The following TRIM25 variants were observed in gnomAD, a reference collection of about 807,000 sequenced individuals.
TRIM25 encodes the protein tripartite motif containing 25, also known as E3 ubiquitin/ISG15 ligase TRIM25.
TRIM25 carries 45 observed loss-of-function variants against 65.2 expected under a neutral mutation model. The ratio of observed to expected loss-of-function variants is 0.69; its 90% CI spans 0.54 to 0.89. The LOEUF is 0.89. Ranked by LOEUF, TRIM25 falls within the 40% of genes least tolerant of loss-of-function variation. TRIM25 has a pLI of 0.00. For missense variants in TRIM25, 714 were observed against 803.7 expected, an observed-to-expected ratio of 0.89 and a Z score of 1.35; for synonymous variants, 321 against 340.4, an observed-to-expected ratio of 0.94 and a Z score of 0.63.
In TRIM25 at chr17:56,891,967, G is replaced by A. The variant is rs137888736; in HGVS notation, c.1626C>T (p.Leu542=). Residue 542 remains leucine (L), a synonymous_variant, in exon 9 of 9, where the codon CTC becomes CTT. Transcript: ENST00000316881. ...SMNRQGPESR[L]GRNSASWCVE... ...CGCACCAGGAGGCGCTGTTGCGGCC[G>A]AGCCTGCTTTCTGGGCCCTGCCGGT... is the stretch of plus-strand genomic sequence containing the variant. 308 of 1,614,190 alleles carry A rather than the reference G, an allele frequency of 1.9e-4. No homozygotes were observed. The African/African-American group carries it at 3.4e-3, about 18-fold the overall frequency.
At chr17:56,903,451 G>A (rs1346842831) in intron 3 of TRIM25, among the ~76,000 whole-genome samples, 1 of 152,124 alleles carries the variant, frequency 6.6e-6, no homozygotes, top group Non-Finnish European at 1.5e-5. Flanking sequence ...CTCCTTTATA[G>A]CAATGCAAAA....
At chr17:56,910,339 A>G (rs1427835820) in intron 1 of TRIM25, among the ~76,000 whole-genome samples, 1 of 152,156 alleles carries the variant, frequency 6.6e-6, no homozygotes, top group Non-Finnish European at 1.5e-5. Flanking sequence ...AGGCCACACT[A>G]ACTCAATCCG....
At chr17:56,904,119 C>T (rs1909469592) in intron 3 of TRIM25, 136 bp downstream of exon 3, 2 of 716,882 alleles carry the variant, frequency 2.8e-6, no homozygotes, top group Admixed American at 5.3e-5. Context: ...GCTCAGAAAA[C>T]TAATACAGCG....
At chr17:56,899,356 T>C (rs1396034935) in intron 4 of TRIM25, among the ~76,000 whole-genome samples, 176 bp from the exon 5 acceptor site, 1 of 152,160 alleles carries the variant, frequency 6.6e-6, no homozygotes, top group East Asian at 1.9e-4. Context: ...ACCAGTTTGG[T>C]GTATTCCCTT....
Position 56,891,575 on chromosome 17 carries a change from T to TC in TRIM25, c.*124dup. On this transcript the variant is annotated 3_prime_UTR_variant, in exon 9 of 9. Transcript: ENST00000316881. Reference sequence around the variant, plus strand: ...TCCCACCTCCCACCCTCCCGCCAGCTCCCCTCCCATGCTCCCAATCCTTGG... The same window carrying TC: ...TCCCACCTCCCACCCTCCCGCCAGCTCCCCCTCCCATGCTCCCAATCCTTGG... 1 of 333,826 alleles carries TC rather than the reference T, an allele frequency of 3.0e-6. No individual in the cohort carries two copies. The highest frequency in any genetic ancestry group is 5.2e-6 in the Non-Finnish European group (1 of 194,170). 20.7% of individuals were successfully genotyped at this position (333,826 alleles called of 1,614,324 possible). A position where few individuals can be genotyped will look rare whatever the true frequency, so the allele number is the denominator to read the frequency against.
chr17:56,894,260 G>A (rs1035839597), intron 8 of TRIM25, among the ~76,000 whole-genome samples: 3 of 152,156 alleles, frequency 2.0e-5, no homozygotes, highest in African/African-American at 7.2e-5. Context: ...TTGTTTGTTT[G>A]TTTTTTAAGA....
chr17:56,901,511 T>C lies in TRIM25; in HGVS notation c.995A>G (p.Lys332Arg), dbSNP rs767391521. 1.1e-5 allele frequency: 18 copies of C among 1,614,180 alleles called. No individual in the cohort carries two copies. The highest frequency in any genetic ancestry group is 6.6e-5 in the South Asian group (6 of 91,084). Residue 332 changes from lysine (K) to arginine (R), a missense_variant, in exon 4 of 9, where the codon AAG becomes AGG. By Grantham distance (26) the Lys-to-Arg change is conservative. This residue lies in a region of TRIM25 where 413 missense variants were observed against 498.2 expected (regional missense o/e 0.83). Transcript: ENST00000316881. ...GCTCTGGTGGATGCCTTTTATCAGC[T>C]TGTGGTTCAGTTCCACCTCGGGGAT... is the stretch of plus-strand genomic sequence containing the variant. Reference protein sequence around the residue: ...VYIPEVELNHKLIKGIHQSTI... With the variant: ...VYIPEVELNHRLIKGIHQSTI...
In TRIM25 at chr17:56,888,003, G is replaced by A. The variant is rs1909090340; in HGVS notation, c.*3697C>T. 1.3e-5 allele frequency: 2 copies of A among 152,310 alleles called. No individual in the cohort carries two copies. The highest frequency in any genetic ancestry group is 1.3e-4 in the Admixed American group (2 of 15,284). 9.4% of individuals were successfully genotyped at this position (152,310 alleles called of 1,614,324 possible). A position where few individuals can be genotyped will look rare whatever the true frequency, so the allele number is the denominator to read the frequency against. On this transcript the variant is annotated 3_prime_UTR_variant, in exon 9 of 9. Transcript: ENST00000316881. ...GGTCTGGAAGGGTCTTGAGCACAGT[G>A]CTCCCATGCCCCCTCTTCGTGGAAT...
Position 56,891,900 on chromosome 17 carries a change from C to T in TRIM25, c.1693G>A (p.Val565Met), listed in dbSNP as rs146675083. The T allele has an allele frequency of 1.8e-5, 29 of 1,614,114 alleles. No homozygotes were observed. Among genetic ancestry groups the T allele is most frequent in the Admixed American group, 3.3e-5 (2 of 60,014 alleles). Residue 565 changes from valine (V) to methionine (M), a missense_variant, in exon 9 of 9, where the codon GTG becomes ATG. Val to Met is a conservative substitution (Grantham distance 21). Coordinates refer to ENST00000316881, the MANE Select transcript of TRIM25 (RefSeq NM_005082.5). ...TTGGTGGAGGGCAGGGTTTTCTCCA[C>T]GTTATTGTGCCAGGCAGAGATCTTG... is the stretch of plus-strand genomic sequence containing the variant. ...NTKISAWHNN[V>M]EKTLPSTKAT... is the part of the protein sequence containing the mutation.
chr17:56,906,968 A>G (rs759848285), intron 2 of TRIM25, among the ~76,000 whole-genome samples: 1 of 152,206 alleles, frequency 6.6e-6, no homozygotes, highest in Non-Finnish European at 1.5e-5. Flanking sequence ...CGATGTGACA[A>G]AACTCCTTCC....
rs1016425669 is a variant in TRIM25, at chr17:56,891,355, C to T, written c.*345G>A. The T allele has an allele frequency of 2.9e-6, 1 of 340,708 alleles. No individual in the cohort carries two copies. Among genetic ancestry groups the T allele is most frequent in the African/African-American group, 2.1e-5 (1 of 47,360 alleles). 21.1% of individuals were successfully genotyped at this position (340,708 alleles called of 1,614,324 possible). A position where few individuals can be genotyped will look rare whatever the true frequency, so the allele number is the denominator to read the frequency against. ...AGATCCAAGTGGCCCAAGACAGAAC[C>T]TACAGTAGCTATGGATTTTCTCTAA... On this transcript the variant is annotated 3_prime_UTR_variant, in exon 9 of 9. Transcript: ENST00000316881.
chr17:56,896,387 CTCATGCCTGGAA>C (rs1343294599), intron 5 of TRIM25, among the ~76,000 whole-genome samples: 2 of 150,856 alleles, frequency 1.3e-5, no homozygotes, highest in Non-Finnish European at 2.9e-5. Flanking sequence ...CGCATGGTGG[CTCATGCCTGGAA>C]TCCCAGCAAT....
At position 56,908,838 on chromosome 17, in the gene TRIM25, T is replaced by C. The variant is rs1043971990; in HGVS notation, c.598-275A>G. On this transcript the variant is annotated intron_variant, in intron 1 of 8. Coordinates refer to ENST00000316881, the MANE Select transcript of TRIM25 (RefSeq NM_005082.5). ...AACTGTGTCCTTCACCTCAGTTTTCTTGGACACAAAATAGATACAACTGTC... is the reference window on the plus strand; with the variant it reads ...AACTGTGTCCTTCACCTCAGTTTTCCTGGACACAAAATAGATACAACTGTC... 6.6e-5 allele frequency: 27 copies of C among 409,306 alleles called. No homozygotes were observed. The highest frequency in any genetic ancestry group is 1.1e-4 in the Non-Finnish European group (24 of 221,612). The allele number at this position is 409,306 out of a possible 1,614,324, so 25.4% of individuals were successfully genotyped here. A position where few individuals can be genotyped will look rare whatever the true frequency, so the allele number is the denominator to read the frequency against.
At chr17:56,906,466 GA>G (rs1474659510) in intron 2 of TRIM25, among the ~76,000 whole-genome samples, 1 of 151,740 alleles carries the variant, frequency 6.6e-6, no homozygotes, top group Non-Finnish European at 1.5e-5. Context: ...CAGTAGACTG[GA>G]AAAGAGGAAT....
intron 8 of TRIM25, among the ~76,000 whole-genome samples, chr17:56,893,782 G>A (rs3888248): frequency 1.7e-3 from 258 of 152,326 alleles, no homozygotes; most frequent in African/African-American, 5.8e-3. Flanking sequence ...CAGCTCAAGC[G>A]GCAAGGGGAG....
chr17:56,910,482 A>C (rs1909605372), intron 1 of TRIM25, among the ~76,000 whole-genome samples: 1 of 152,224 alleles, frequency 6.6e-6, no homozygotes, highest in African/African-American at 2.4e-5. Context: ...TGCTGGCCTC[A>C]GAGCAAGAAG....
At position 56,890,186 on chromosome 17, in the gene TRIM25, A is replaced by C; in HGVS notation, c.*1514T>G. 1 of 276,246 alleles carries C rather than the reference A, an allele frequency of 3.6e-6. No homozygotes were observed. The highest frequency in any genetic ancestry group is 6.1e-5 in the South Asian group (1 of 16,460). 17.1% of individuals were successfully genotyped at this position (276,246 alleles called of 1,614,324 possible). A position where few individuals can be genotyped will look rare whatever the true frequency, so the allele number is the denominator to read the frequency against. Reference sequence around the variant, plus strand: ...CCTGACAGGAGCTCTCCTCTAAGCAAAGCCCAGAGTTGGACTCATTTCACT... The same window carrying C: ...CCTGACAGGAGCTCTCCTCTAAGCACAGCCCAGAGTTGGACTCATTTCACT... On this transcript the variant is annotated 3_prime_UTR_variant, in exon 9 of 9. Coordinates refer to ENST00000316881, the MANE Select transcript of TRIM25 (RefSeq NM_005082.5).
chr17:56,902,166 T>C (rs1017067347), intron 3 of TRIM25, among the ~76,000 whole-genome samples: 1 of 152,156 alleles, frequency 6.6e-6, no homozygotes, highest in African/African-American at 2.4e-5. Flanking sequence ...AATGAACACT[T>C]GGGATGAAAC....
At chr17:56,897,722 C>G (rs962712653) in intron 5 of TRIM25, among the ~76,000 whole-genome samples, 1 of 152,224 alleles carries the variant, frequency 6.6e-6, no homozygotes. Context: ...CACTGGGGAA[C>G]ACACCTGCCT....
Sources: gnomAD v4.1 joint callset for allele counts (sites outside exome capture counted in the v4.1 genomes callset) on GRCh38, gnomAD v4.1.1 for gene constraint, gnomAD v4.1.1 regional missense constraint, MANE v1.5 for transcripts, NCBI Gene and HGNC (gene_info 2026-07-23, HGNC 2026-07-21) for gene names.